ZZEF1: variants seen among roughly 807,000 people sequenced by gnomAD.
The protein encoded by ZZEF1 is zinc finger ZZ-type and EF-hand domain-containing protein 1.
Under a neutral mutation model 342.8 loss-of-function variants are expected in ZZEF1, and 157 were observed. The observed-to-expected ratio is 0.46, with a 90% CI of 0.40 to 0.52. The LOEUF (loss-of-function observed/expected upper bound fraction) is 0.52. Among genes scored for constraint, ZZEF1 ranks in the 20% least tolerant of loss-of-function variants. ZZEF1 has a pLI of 0.00. For synonymous variants in ZZEF1, 1,505 were observed against 1,429.1 expected, an observed-to-expected ratio of 1.05 and a Z score of -1.20; for missense variants, 3,480 against 3,725.6, an observed-to-expected ratio of 0.93 and a Z score of 1.72.
chr17:4,139,270 T>G (rs998295836), intron 1 of ZZEF1, among the ~76,000 whole-genome samples: 3 of 151,848 alleles, frequency 2.0e-5, no homozygotes, highest in Non-Finnish European at 4.4e-5. Context: ...CACAGGAATG[T>G]GAAAGCAAGA....
At chr17:4,040,993 T>C (rs2056789956) in intron 39 of ZZEF1, among the ~76,000 whole-genome samples, 1 of 152,172 alleles carries the variant, frequency 6.6e-6, no homozygotes, top group Non-Finnish European at 1.5e-5. Flanking sequence ...CAGCTAAAGT[T>C]AGCAGAAATC....
intron 26 of ZZEF1, among the ~76,000 whole-genome samples, chr17:4,068,549 A>C (rs1468395855): frequency 7.6e-5 from 11 of 145,384 alleles, no homozygotes; most frequent in Non-Finnish European, 1.6e-4. Context: ...GGCCTCCCAA[A>C]GTGCTGGGAT....
chr17:4,102,978 C>T (rs1029892016), intron 8 of ZZEF1, among the ~76,000 whole-genome samples: 1 of 151,926 alleles, frequency 6.6e-6, no homozygotes, highest in African/African-American at 2.4e-5. Context: ...ATAGAATGTA[C>T]ACCTGTTCAC....
In ZZEF1 at chr17:4,056,007, G is replaced by A. The variant is rs574380842; in HGVS notation, c.5295+209C>T. ...TGAAAATCCAATGCCGCAGCTGATC[G>A]GACAGGAGGCGGAGCTCAGCCTCCC... On this transcript the variant is annotated intron_variant, in intron 33 of 54. Coordinates refer to ENST00000381638, the MANE Select transcript of ZZEF1 (RefSeq NM_015113.4). Among the ~76,000 whole-genome samples, 26 of 152,292 alleles carry A rather than the reference G, an allele frequency of 1.7e-4. 1 individual carries two copies. The highest frequency in any genetic ancestry group is 1.1e-3 in the Admixed American group (17 of 15,298).
intron 52 of ZZEF1, among the ~76,000 whole-genome samples, chr17:4,012,969 G>A (rs1350509211): frequency 4.0e-5 from 6 of 151,864 alleles, no homozygotes; most frequent in Non-Finnish European, 5.9e-5. Flanking sequence ...TATAAATAGA[G>A]GAATATATAA....
At chr17:4,054,315 A>T in intron 33 of ZZEF1, 120 bp from the exon 34 acceptor site, 2 of 1,130,410 alleles carry the variant, frequency 1.8e-6, no homozygotes, top group Non-Finnish European at 2.5e-6. Context: ...AAGTGCTAGG[A>T]TTTGATAATG....
rs569848949 is a variant in ZZEF1, at chr17:4,072,771, A to C, written c.3686-15T>G. 30 of 1,600,374 alleles carry C rather than the reference A, an allele frequency of 1.9e-5. No homozygotes were observed. The highest frequency in any genetic ancestry group is 2.3e-5 in the Non-Finnish European group (27 of 1,172,954). ...ACTTCCTAACTCTAGAAAGAGAAGA[A>C]GACATATGACAGTTCTATTTTTGCC... On this transcript the variant is annotated splice_polypyrimidine_tract_variant and intron_variant, in intron 24 of 54. Transcript: ENST00000381638.
In ZZEF1 at chr17:4,072,593, C is replaced by A; in HGVS notation, c.3834+15G>T. 1 of 1,588,126 alleles carries A rather than the reference C, an allele frequency of 6.3e-7. No individual in the cohort carries two copies. Among genetic ancestry groups the A allele is most frequent in the Admixed American group, 1.8e-5 (1 of 55,636 alleles). On this transcript the variant is annotated intron_variant, in intron 25 of 54. Transcript: ENST00000381638. Reference sequence around the variant, plus strand: ...GTTTCCAGTCTAAATAGAAAGAAAACGGAAGAGTAAATACCTCCTTACTAT... The same window carrying A: ...GTTTCCAGTCTAAATAGAAAGAAAAAGGAAGAGTAAATACCTCCTTACTAT...
intron 1 of ZZEF1, among the ~76,000 whole-genome samples, chr17:4,136,779 A>G (rs897029): frequency 0.92 from 139,699 of 152,220 alleles, 65,307 homozygotes; most frequent in East Asian, 1. Flanking sequence ...GATCATTCCC[A>G]AAACGTGCCA....
chr17:4,045,955 G>C (rs981651332), intron 37 of ZZEF1, among the ~76,000 whole-genome samples: 4 of 151,812 alleles, frequency 2.6e-5, no homozygotes, highest in African/African-American at 9.7e-5. Flanking sequence ...AGCCTCACGA[G>C]TAGCTGGGAC....
Position 4,057,978 on chromosome 17 carries a change from A to T in ZZEF1, c.5165+16T>A. On this transcript the variant is annotated intron_variant, in intron 32 of 54. Transcript: ENST00000381638. Reference sequence around the variant, plus strand: ...ACCTACATTAGGAACTGCAGAGCGCAGGACCGTGCTCTTACCTGATCACAC... The same window carrying T: ...ACCTACATTAGGAACTGCAGAGCGCTGGACCGTGCTCTTACCTGATCACAC... 1.2e-6 allele frequency: 2 copies of T among 1,612,872 alleles called. No individual in the cohort carries two copies. The highest frequency in any genetic ancestry group is 8.5e-7 in the Non-Finnish European group (1 of 1,179,104).
intron 2 of ZZEF1, 123 bp downstream of exon 2, chr17:4,123,784 C>A (rs1008173689): frequency 9.2e-7 from 1 of 1,084,516 alleles, no homozygotes; most frequent in South Asian, 1.9e-5. Flanking sequence ...TAATTCAGAT[C>A]GGGAGCCTAA....
intron 2 of ZZEF1, among the ~76,000 whole-genome samples, chr17:4,118,475 C>CA (rs2058433427): frequency 2.0e-5 from 3 of 152,202 alleles, no homozygotes; most frequent in Admixed American, 2.0e-4. Context: ...AACAGCATCC[C>CA]TGTCTGCCAC....
chr17:4,021,338 C>G lies in ZZEF1; in HGVS notation c.7213-18G>C. 6.3e-7 allele frequency: 1 copy of G among 1,583,776 alleles called. No homozygotes were observed. Among genetic ancestry groups the G allele is most frequent in the Non-Finnish European group, 8.6e-7 (1 of 1,161,442 alleles). Reference sequence around the variant, plus strand: ...GACAAAATCTACACAGAAAGAAAATCCAGCTGAATGTGAGCACTCAGTGGG... The same window carrying G: ...GACAAAATCTACACAGAAAGAAAATGCAGCTGAATGTGAGCACTCAGTGGG... On this transcript the variant is annotated intron_variant, in intron 44 of 54. Coordinates refer to ENST00000381638, the MANE Select transcript of ZZEF1 (RefSeq NM_015113.4).
At position 4,034,114 on chromosome 17, in the gene ZZEF1, GC is replaced by G. The variant is rs767772621; in HGVS notation, c.6484del (p.Ala2162ProfsTer76). 1.2e-6 allele frequency: 2 copies of G among 1,614,198 alleles called. No homozygotes were observed. On this transcript the variant is annotated frameshift_variant, in exon 40 of 55. Transcript: ENST00000381638. LOFTEE classifies it high-confidence loss of function. ...CCCTGCAGCAAACAGGTTGTGTTTG[GC>G]TGAGAGGACTTTGATCACTGCGGCG... ...VDAAVIKVLS[A>X]KHNLFAAGDS... is the part of the protein sequence containing the mutation.
At chr17:4,059,320 T>C (rs1163804947) in intron 30 of ZZEF1, 30 bp from the exon 31 acceptor site, 2 of 1,583,590 alleles carry the variant, frequency 1.3e-6, no homozygotes, top group African/African-American at 1.4e-5. Flanking sequence ...CTGATTCACT[T>C]AATTGCCAGA....
At chr17:4,031,160 CA>C (rs1180500649) in intron 42 of ZZEF1, among the ~76,000 whole-genome samples, 1 of 151,830 alleles carries the variant, frequency 6.6e-6, no homozygotes, top group African/African-American at 2.4e-5. Context: ...ACTAAAAATA[CA>C]AAAAATTAGC....
intron 49 of ZZEF1, among the ~76,000 whole-genome samples, chr17:4,015,661 G>A (rs568637174): frequency 1.3e-5 from 2 of 152,304 alleles, no homozygotes; most frequent in East Asian, 3.9e-4. Flanking sequence ...CTACTAGGGA[G>A]GCTGAGGCAT....
At chr17:4,084,856 T>G (rs8070577) in intron 16 of ZZEF1, among the ~76,000 whole-genome samples, 27,491 of 152,244 alleles carry the variant, frequency 0.18, 2,609 homozygotes, top group Admixed American at 0.26. Flanking sequence ...CTCACGCCTG[T>G]AATCCCAGCA....
Sources: gnomAD v4.1 joint callset for allele counts (sites outside exome capture counted in the v4.1 genomes callset) on GRCh38, gnomAD v4.1.1 for gene constraint, MANE v1.5 for transcripts, NCBI Gene and HGNC (gene_info 2026-07-23, HGNC 2026-07-21) for gene names.